Variants in TXNRD1 observed in about 807,000 individuals in gnomAD.
TXNRD1 encodes thioredoxin reductase 1, cytoplasmic.
In TXNRD1, 57 loss-of-function variants were observed where a neutral mutation model predicts 80.3. The ratio of observed to expected loss-of-function variants is 0.71; its 90% CI spans 0.57 to 0.89. The LOEUF (loss-of-function observed/expected upper bound fraction) is 0.89. Among genes scored for constraint, TXNRD1 ranks in the 40% least tolerant of loss-of-function variants. The pLI is 0.00. For synonymous variants in TXNRD1, 291 were observed against 285.2 expected (o/e 1.02, Z -0.20); for missense variants, 730 against 803.0 (o/e 0.91, Z 1.10).
intron 4 of TXNRD1, among the ~76,000 whole-genome samples, chr12:104,292,395 CT>C (rs35461325): frequency 1.9e-4 from 28 of 146,060 alleles, no homozygotes; most frequent in African/African-American, 4.0e-4. Flanking sequence ...GCCCCCCCGC[CT>C]TTTTTTTTTG....
chr12:104,229,696 G>A (rs540011536), intron 1 of TXNRD1, among the ~76,000 whole-genome samples: 11 of 151,560 alleles, frequency 7.3e-5, no homozygotes, highest in Non-Finnish European at 1.3e-4. Flanking sequence ...GGGTTCAACC[G>A]ATTCTTCTGC....
At position 104,334,327 on chromosome 12, in the gene TXNRD1, G is replaced by T. The variant is rs1220071987; in HGVS notation, c.1741G>T (p.Asp581Tyr). ...TGCAAAAATAATCTGTAATACTAAA[G>T]ACAATGTAAGTTTAATTCTCAATCC... ...CYAKIICNTK[D>Y]NERVVGFHVL... Residue 581 changes from aspartate to tyrosine, a missense_variant, in exon 15 of 17, where the codon GAC (aspartate) becomes TAC (tyrosine). Coordinates refer to ENST00000525566, the MANE Select transcript of TXNRD1 (RefSeq NM_001093771.3). 3 of 1,453,226 alleles carry T rather than the reference G, an allele frequency of 2.1e-6. No homozygotes were observed. The highest frequency in any genetic ancestry group is 1.8e-4 in the Middle Eastern group (1 of 5,568). 90.0% of individuals were successfully genotyped at this position (1,453,226 alleles called of 1,614,324 possible). A position where few individuals can be genotyped will look rare whatever the true frequency, so the allele number is the denominator to read the frequency against.
At chr12:104,319,436 A>T in intron 8 of TXNRD1, 34 bp from the exon 9 acceptor site, 2 of 1,349,320 alleles carry the variant, frequency 1.5e-6, no homozygotes, top group Non-Finnish European at 2.1e-6. Context: ...AGGAATGATT[A>T]CTTAATAAGG....
chr12:104,279,633 G>A (rs188441247), intron 3 of TXNRD1, among the ~76,000 whole-genome samples: 12 of 152,192 alleles, frequency 7.9e-5, no homozygotes, highest in African/African-American at 2.9e-4. Flanking sequence ...GCATAATAAG[G>A]GTATATTCAA....
intron 12 of TXNRD1, 111 bp downstream of exon 12, chr12:104,326,534 C>T (rs1049348196): frequency 5.0e-5 from 31 of 621,354 alleles, no homozygotes; most frequent in Non-Finnish European, 5.8e-5. Context: ...GGCACGATCT[C>T]GGCTCACTGC....
intron 3 of TXNRD1, among the ~76,000 whole-genome samples, chr12:104,267,091 G>A (rs1393130237): frequency 6.7e-6 from 1 of 150,126 alleles, no homozygotes; most frequent in Non-Finnish European, 1.5e-5. Flanking sequence ...GCCTGAACCC[G>A]GGAGGCAGAA....
intron 4 of TXNRD1, among the ~76,000 whole-genome samples, chr12:104,301,537 C>G (rs574848977): frequency 6.6e-6 from 1 of 152,206 alleles, no homozygotes; most frequent in East Asian, 1.9e-4. Flanking sequence ...CGGGGTTTCA[C>G]CGTGTTAGCC....
rs34627940 is a variant in TXNRD1, at chr12:104,280,062, C to CAAAAAAAAAAAAA, written c.305-8860_305-8848dup. Reference sequence around the variant, plus strand: ...TGGGTGACAGAGTGAGACTCTGTCTCAAAAAAAAAAAAAAAAAAAAATTCC... The same window carrying CAAAAAAAAAAAAA: ...TGGGTGACAGAGTGAGACTCTGTCTCAAAAAAAAAAAAAAAAAAAAAAAAAAAAAAAAAATTCC... On this transcript the variant is annotated intron_variant, in intron 3 of 16. Transcript: ENST00000525566. Among the ~76,000 whole-genome samples, 14 of 84,618 alleles carry CAAAAAAAAAAAAA rather than the reference C, an allele frequency of 1.7e-4. 1 individual carries two copies. Among genetic ancestry groups the CAAAAAAAAAAAAA allele is most frequent in the Non-Finnish European group, 3.0e-4 (13 of 43,904 alleles). The allele number at this position is 84,618 out of a possible 152,430, so 55.5% of individuals were successfully genotyped here.
At chr12:104,219,624 C>T (rs1289511602) in intron 1 of TXNRD1, among the ~76,000 whole-genome samples, 1 of 152,228 alleles carries the variant, frequency 6.6e-6, no homozygotes, top group Non-Finnish European at 1.5e-5. Flanking sequence ...TTCTGTAACA[C>T]ACATTCCATT....
At chr12:104,306,535 A>G (rs1565891563) in intron 4 of TXNRD1, among the ~76,000 whole-genome samples, 1 of 152,218 alleles carries the variant, frequency 6.6e-6, no homozygotes, top group Non-Finnish European at 1.5e-5. Context: ...TAGTAAGTCT[A>G]GTGGTACAGG....
chr12:104,265,449 T>G (rs1187021732), intron 3 of TXNRD1: 4 of 1,605,132 alleles, frequency 2.5e-6, no homozygotes, highest in African/African-American at 2.7e-5. Flanking sequence ...TCTGGTACTT[T>G]GTATCTCAGT....
intron 15 of TXNRD1, among the ~76,000 whole-genome samples, chr12:104,336,473 C>G (rs901835893): frequency 6.6e-6 from 1 of 152,166 alleles, no homozygotes; most frequent in Admixed American, 6.6e-5. Context: ...CATTTTGAAT[C>G]AGTCACTTGA....
intron 3 of TXNRD1, among the ~76,000 whole-genome samples, chr12:104,260,130 T>A (rs2033335441): frequency 6.6e-6 from 1 of 151,972 alleles, no homozygotes; most frequent in African/African-American, 2.4e-5. Context: ...GGTCAGGAGT[T>A]CAAGACCAGC....
At chr12:104,286,251 A>T (rs368907631) in intron 3 of TXNRD1, 7 of 152,356 alleles carry the variant, frequency 4.6e-5, no homozygotes, top group African/African-American at 9.6e-5. Flanking sequence ...ACAGTGCTGA[A>T]TAAGAACATG....
rs1369032652 is a variant in TXNRD1 at position 104,323,475 on chromosome 12, C to T, written c.1216-1862C>T. Among the ~76,000 whole-genome samples the T allele has an allele frequency of 1.3e-4, 19 of 143,692 alleles. No homozygotes were observed. The South Asian group carries it at 3.0e-3, about 22-fold the overall frequency. 94.3% of individuals were successfully genotyped at this position (143,692 alleles called of 152,430 possible). A position where few individuals can be genotyped will look rare whatever the true frequency, so the allele number is the denominator to read the frequency against. On this transcript the variant is annotated intron_variant, in intron 10 of 16. Transcript: ENST00000525566. Reference sequence around the variant, plus strand: ...GGGGCTCCTCACTTCCCAGTAGGGGCGGCCGGGCAGAGGCGCCCCTCACCT... The same window carrying T: ...GGGGCTCCTCACTTCCCAGTAGGGGTGGCCGGGCAGAGGCGCCCCTCACCT...
chr12:104,269,245 G>A (rs944036975), intron 3 of TXNRD1, among the ~76,000 whole-genome samples: 1 of 151,934 alleles, frequency 6.6e-6, no homozygotes. Context: ...TCTTCATCAG[G>A]AGTAGATTCT....
intron 2 of TXNRD1, among the ~76,000 whole-genome samples, chr12:104,252,660 TTTTATATA>T (rs1442430751): frequency 7.5e-5 from 4 of 53,204 alleles, no homozygotes; most frequent in African/African-American, 3.2e-4. Flanking sequence ...ATTTATTATT[TTTTATATA>T]TATATATATA....
chr12:104,330,255 G>A (rs899297622), intron 13 of TXNRD1, among the ~76,000 whole-genome samples: 3 of 152,170 alleles, frequency 2.0e-5, no homozygotes, highest in Non-Finnish European at 4.4e-5. Context: ...GATCGCCTCT[G>A]TGTATAAGTA....
At chr12:104,329,770 C>T (rs143142756) in intron 13 of TXNRD1, among the ~76,000 whole-genome samples, 4 of 152,204 alleles carry the variant, frequency 2.6e-5, no homozygotes, top group Admixed American at 6.5e-5. Flanking sequence ...TCTCTTTATG[C>T]GTGCAATTCC....
Sources: gnomAD v4.1 joint callset for allele counts (sites outside exome capture counted in the v4.1 genomes callset) on GRCh38, gnomAD v4.1.1 for gene constraint, MANE v1.5 for transcripts, NCBI Gene and HGNC (gene_info 2026-07-23, HGNC 2026-07-21) for gene names.